The following MDGA2 variants were observed in gnomAD, a reference collection of about 807,000 sequenced individuals.
The protein encoded by MDGA2 is MAM domain containing glycosylphosphatidylinositol anchor 2.
Under a neutral mutation model 117.8 loss-of-function variants are expected in MDGA2, and 40 were observed. That is an observed-to-expected ratio of 0.34 (90% CI 0.26 to 0.44). The LOEUF (loss-of-function observed/expected upper bound fraction) is 0.44, where lower values mean the gene tolerates loss of function less well. Ranked by LOEUF, MDGA2 falls within the 20% of genes least tolerant of loss-of-function variation. The pLI is 1.00. For synonymous variants in MDGA2, 452 were observed against 439.0 expected (o/e 1.03, Z -0.37); for missense variants, 1,123 against 1,250.6 (o/e 0.90, Z 1.54).
At chr14:47,328,368 C>CA (rs1890202139) in intron 1 of MDGA2, among the ~76,000 whole-genome samples, 1 of 152,038 alleles carries the variant, frequency 6.6e-6, no homozygotes, top group Non-Finnish European at 1.5e-5. Context: ...GGAGCAAGTA[C>CA]AAAAAAGAAG....
chr14:47,416,068 T>C (rs573616624), intron 1 of MDGA2, among the ~76,000 whole-genome samples: 1 of 152,238 alleles, frequency 6.6e-6, no homozygotes, highest in South Asian at 2.1e-4. Flanking sequence ...ATACAGTAAT[T>C]CCATCTCAGT....
intron 1 of MDGA2, among the ~76,000 whole-genome samples, chr14:47,351,927 A>G (rs1890892617): frequency 6.6e-6 from 1 of 151,560 alleles, no homozygotes; most frequent in Non-Finnish European, 1.5e-5. Flanking sequence ...ACACACACAC[A>G]CACACACACA....
chr14:47,297,222 C>T (rs76132709), intron 2 of MDGA2, among the ~76,000 whole-genome samples: 4,269 of 151,764 alleles, frequency 0.028, 204 homozygotes, highest in African/African-American at 0.096. Context: ...ATGCAACGAA[C>T]GAGAACTGAA....
intron 1 of MDGA2, among the ~76,000 whole-genome samples, chr14:47,361,802 G>C (rs1388313174): frequency 6.6e-6 from 1 of 152,104 alleles, no homozygotes; most frequent in East Asian, 1.9e-4. Flanking sequence ...GGCAGTTTAT[G>C]AGAAAGTTTT....
chr14:47,278,361 T>C (rs1011025465), intron 2 of MDGA2, among the ~76,000 whole-genome samples: 2 of 150,922 alleles, frequency 1.3e-5, no homozygotes, highest in African/African-American at 2.4e-5. Context: ...ATACAATGTA[T>C]AGTGATCAGA....
Position 47,200,646 on chromosome 14 carries a change from C to T in MDGA2, c.595+17375G>A, listed in dbSNP as rs1594717833. ...ATTTTCTTCTCCACGTTCTTCTCGG[C>T]CTGTTTCCGTAGCCTCAAGAGCTGT... On this transcript the variant is annotated intron_variant, in intron 3 of 16. Transcript: ENST00000399232. 26 of 1,259,084 alleles carry T rather than the reference C, an allele frequency of 2.1e-5. No individual in the cohort carries two copies. The East Asian group carries it at 5.6e-4, about 27-fold the overall frequency. 78.0% of individuals were successfully genotyped at this position (1,259,084 alleles called of 1,614,324 possible). A position where few individuals can be genotyped will look rare whatever the true frequency, so the allele number is the denominator to read the frequency against.
At chr14:47,276,007 C>T (rs1210427855) in intron 2 of MDGA2, among the ~76,000 whole-genome samples, 3 of 152,056 alleles carry the variant, frequency 2.0e-5, no homozygotes, top group African/African-American at 7.3e-5. Flanking sequence ...TGTGACTTTC[C>T]TGGATGAAGT....
chr14:46,873,943 T>C, intron 13 of MDGA2, 102 bp downstream of exon 13: 1 of 1,021,602 alleles, frequency 9.8e-7, no homozygotes, highest in Non-Finnish European at 1.4e-6. Flanking sequence ...AATATTTTAT[T>C]CCATAATCTT....
intron 12 of MDGA2, among the ~76,000 whole-genome samples, chr14:46,876,600 T>G (rs1445768006): frequency 1.3e-5 from 2 of 151,540 alleles, no homozygotes; most frequent in Non-Finnish European, 3.0e-5. Context: ...ATAGAAATAA[T>G]TAAACATATC....
chr14:47,210,998 T>TAAA (rs1566682512), intron 3 of MDGA2, among the ~76,000 whole-genome samples: 2 of 152,012 alleles, frequency 1.3e-5, no homozygotes, highest in African/African-American at 4.8e-5. Context: ...AAATAAAACA[T>TAAA]AAAAAAAGAA....
At chr14:47,078,198 C>T (rs1890566618) in intron 6 of MDGA2, among the ~76,000 whole-genome samples, 1 of 151,978 alleles carries the variant, frequency 6.6e-6, no homozygotes, top group Non-Finnish European at 1.5e-5. Flanking sequence ...AGAGTAGAGA[C>T]TGGGGATCTA....
intron 8 of MDGA2, among the ~76,000 whole-genome samples, chr14:47,021,949 ATTAT>A (rs1888300899): frequency 6.6e-6 from 1 of 152,114 alleles, no homozygotes; most frequent in East Asian, 1.9e-4. Flanking sequence ...TTTGCATTTT[ATTAT>A]TTATTATTAT....
chr14:46,852,954 T>TA (rs771966692), intron 15 of MDGA2, among the ~76,000 whole-genome samples: 16 of 151,508 alleles, frequency 1.1e-4, no homozygotes, highest in Non-Finnish European at 2.2e-4. Context: ...ACCAGACTTG[T>TA]AAAAAAAATA....
intron 1 of MDGA2, among the ~76,000 whole-genome samples, chr14:47,419,426 G>A (rs563137628): frequency 3.3e-5 from 5 of 152,100 alleles, no homozygotes; most frequent in South Asian, 4.1e-4. Flanking sequence ...TAAGATGCTC[G>A]AAATCTTTAA....
At chr14:47,049,388 C>T (rs1383426087) in intron 7 of MDGA2, among the ~76,000 whole-genome samples, 1 of 148,238 alleles carries the variant, frequency 6.7e-6, no homozygotes, top group Non-Finnish European at 1.5e-5. Flanking sequence ...TTGCATATAA[C>T]CTATCTCATC....
intron 1 of MDGA2, among the ~76,000 whole-genome samples, chr14:47,425,795 C>A (rs181547472): frequency 6.4e-4 from 97 of 152,040 alleles, no homozygotes; most frequent in African/African-American, 2.2e-3. Context: ...GAGAGAGTGC[C>A]CGTATGCCCT....
chr14:47,671,108 A>T (rs771020895), intron 1 of MDGA2, among the ~76,000 whole-genome samples: 90 of 152,196 alleles, frequency 5.9e-4, no homozygotes, highest in Admixed American at 1.5e-3. Flanking sequence ...AATCCCACTT[A>T]AAAAATTTAT....
intron 2 of MDGA2, among the ~76,000 whole-genome samples, chr14:47,293,908 T>C (rs996423862): frequency 6.6e-6 from 1 of 152,128 alleles, no homozygotes; most frequent in African/African-American, 2.4e-5. Context: ...CCTTTCTTAT[T>C]CTATATAAAA....
At chr14:47,384,023 G>A (rs1189564798) in intron 1 of MDGA2, among the ~76,000 whole-genome samples, 8 of 143,200 alleles carry the variant, frequency 5.6e-5, no homozygotes, top group East Asian at 4.0e-4. Flanking sequence ...ATAATAGATA[G>A]ATTAGATAAA....
Sources: gnomAD v4.1 joint callset for allele counts (sites outside exome capture counted in the v4.1 genomes callset) on GRCh38, gnomAD v4.1.1 for gene constraint, MANE v1.5 for transcripts, NCBI Gene and HGNC (gene_info 2026-07-23, HGNC 2026-07-21) for gene names.